The following OPCML variants were observed in gnomAD, a reference collection of about 807,000 sequenced individuals.
OPCML encodes the protein opioid-binding protein/cell adhesion molecule.
Under a neutral mutation model 37.8 loss-of-function variants are expected in OPCML, and 13 were observed. That is an observed-to-expected ratio of 0.34 (90% confidence interval 0.22 to 0.55). The LOEUF is 0.55. Among genes scored for constraint, OPCML ranks in the 20% least tolerant of loss-of-function variants. The probability of loss-of-function intolerance (pLI) is 0.91; values close to 1 mark genes in which losing one functional copy is unlikely to be tolerated. For missense variants in OPCML, 341 were observed against 435.6 expected (o/e 0.78, Z 1.93); for synonymous variants, 176 against 168.8 (o/e 1.04, Z -0.33).
intron 1 of OPCML, chr11:133,067,840 C>T (rs1312561317): frequency 6.6e-6 from 1 of 152,156 alleles, no homozygotes; most frequent in Middle Eastern, 3.2e-3. Flanking sequence ...GCTGTCCAAC[C>T]TCCCTTTCAA....
intron 3 of OPCML, among the ~76,000 whole-genome samples, chr11:132,612,615 A>T (rs1938723451): frequency 6.6e-6 from 1 of 152,178 alleles, no homozygotes. Flanking sequence ...CTAGCAAGAA[A>T]AAAATGGGTC....
chr11:133,128,879 C>G (rs956767695), intron 1 of OPCML, among the ~76,000 whole-genome samples: 2 of 152,126 alleles, frequency 1.3e-5, no homozygotes, highest in African/African-American at 4.8e-5. Context: ...GTAGCCCGGG[C>G]TTCTGCTTCT....
chr11:132,597,488 C>T (rs990020184), intron 3 of OPCML, among the ~76,000 whole-genome samples: 1 of 152,120 alleles, frequency 6.6e-6, no homozygotes, highest in African/African-American at 2.4e-5. Context: ...TTTGGAATAG[C>T]CCCAAACTTT....
At chr11:132,805,773 A>G (rs1938967534) in intron 2 of OPCML, among the ~76,000 whole-genome samples, 1 of 152,226 alleles carries the variant, frequency 6.6e-6, no homozygotes, top group Non-Finnish European at 1.5e-5. Flanking sequence ...ATTAAAAAAG[A>G]TATTTCTCAA....
chr11:132,533,791 A>T (rs2096332850), intron 3 of OPCML, among the ~76,000 whole-genome samples: 1 of 152,024 alleles, frequency 6.6e-6, no homozygotes, highest in South Asian at 2.1e-4. Context: ...ATGCCATCTG[A>T]TCCACCCACT....
At chr11:133,025,299 A>G (rs961075172) in intron 1 of OPCML, 14 of 983,066 alleles carry the variant, frequency 1.4e-5, no homozygotes, top group Non-Finnish European at 1.2e-6. Context: ...AGGACAGTCC[A>G]TTTTTAATGT....
At chr11:132,719,708 C>A (rs1944613625) in intron 2 of OPCML, among the ~76,000 whole-genome samples, 1 of 152,200 alleles carries the variant, frequency 6.6e-6, no homozygotes, top group Admixed American at 6.5e-5. Context: ...ACTCAGAAAT[C>A]CCTTTATATT....
At chr11:133,295,094 G>A (rs2136549889) in intron 1 of OPCML, among the ~76,000 whole-genome samples, 1 of 152,056 alleles carries the variant, frequency 6.6e-6, no homozygotes, top group Non-Finnish European at 1.5e-5. Context: ...AAAGTGCTGG[G>A]ATTACAGGCA....
Position 132,644,549 on chromosome 11 carries a change from A to G in OPCML, c.379+12538T>C, listed in dbSNP as rs111525645. Among the ~76,000 whole-genome samples the G allele has an allele frequency of 8.2e-3, 1,247 of 152,334 alleles. 24 individuals carry two copies. The highest frequency in any genetic ancestry group is 0.029 in the African/African-American group (1,193 of 41,570). On this transcript the variant is annotated intron_variant, in intron 3 of 7. Coordinates refer to ENST00000524381, the MANE Select transcript of OPCML (RefSeq NM_001012393.5). ...AGAGAGGGTACAAATATCTATTACAACGATATCATCTTCTAAAGCTGTTTA... is the reference window on the plus strand; with the variant it reads ...AGAGAGGGTACAAATATCTATTACAGCGATATCATCTTCTAAAGCTGTTTA...
chr11:133,326,291 G>GTGTGTA (rs1565573162), intron 1 of OPCML, among the ~76,000 whole-genome samples: 3 of 108,694 alleles, frequency 2.8e-5, no homozygotes, highest in South Asian at 3.4e-4. Context: ...GGGTGTGGGT[G>GTGTGTA]TGTGTGGGGG....
intron 2 of OPCML, among the ~76,000 whole-genome samples, chr11:132,672,338 T>C (rs1242132326): frequency 6.6e-6 from 1 of 152,190 alleles, no homozygotes. Flanking sequence ...TTTTAGTAAA[T>C]TATTCGTCTT....
chr11:132,651,775 C>A (rs1317080778), intron 3 of OPCML, among the ~76,000 whole-genome samples: 1 of 152,204 alleles, frequency 6.6e-6, no homozygotes, highest in Non-Finnish European at 1.5e-5. Flanking sequence ...GATGTAGAGT[C>A]TTTTGTTTAC....
chr11:132,478,864 G>A (rs1271304631), intron 4 of OPCML, among the ~76,000 whole-genome samples: 2 of 152,164 alleles, frequency 1.3e-5, no homozygotes, highest in African/African-American at 4.8e-5. Flanking sequence ...CTGAGACCAA[G>A]AGAATATAAT....
At chr11:132,582,414 T>C (rs1173072300) in intron 3 of OPCML, among the ~76,000 whole-genome samples, 2 of 151,832 alleles carry the variant, frequency 1.3e-5, no homozygotes, top group Non-Finnish European at 2.9e-5. Flanking sequence ...AACGCCCACA[T>C]AGCAAAAAAG....
intron 1 of OPCML, among the ~76,000 whole-genome samples, chr11:133,231,858 G>A (rs1258082516): frequency 2.0e-5 from 3 of 152,188 alleles, no homozygotes; most frequent in South Asian, 4.1e-4. Flanking sequence ...GGCAAGGAAA[G>A]TAAGGAGAGG....
intron 1 of OPCML, among the ~76,000 whole-genome samples, chr11:132,974,970 T>A (rs1360164404): frequency 6.6e-6 from 1 of 151,800 alleles, no homozygotes; most frequent in Non-Finnish European, 1.5e-5. Flanking sequence ...TTATTACCTA[T>A]AAGCTAATAA....
intron 1 of OPCML, among the ~76,000 whole-genome samples, chr11:132,972,699 C>A (rs1056747937): frequency 4.6e-5 from 7 of 152,192 alleles, no homozygotes; most frequent in Non-Finnish European, 8.8e-5. Flanking sequence ...TAGCAATGCG[C>A]AAGGACCGTC....
intron 2 of OPCML, among the ~76,000 whole-genome samples, chr11:132,709,029 ATAAACT>A (rs1000307693): frequency 6.6e-6 from 1 of 152,152 alleles, no homozygotes; most frequent in Admixed American, 6.5e-5. Flanking sequence ...CAGGTATTTA[ATAAACT>A]TAAAGGGAAT....
chr11:132,576,759 C>T (rs909198578), intron 3 of OPCML, among the ~76,000 whole-genome samples: 51 of 152,042 alleles, frequency 3.4e-4, no homozygotes, highest in Admixed American at 1.5e-3. Context: ...ATACAGGAGA[C>T]GACTCCTACC....
Sources: gnomAD v4.1 joint callset for allele counts (sites outside exome capture counted in the v4.1 genomes callset) on GRCh38, gnomAD v4.1.1 for gene constraint, MANE v1.5 for transcripts, NCBI Gene and HGNC (gene_info 2026-07-23, HGNC 2026-07-21) for gene names.